The following NAV2 variants were observed in gnomAD, a reference collection of about 807,000 sequenced individuals.
The protein encoded by NAV2 is helicase, APC down-regulated 1.
Under a neutral mutation model 223.2 loss-of-function variants are expected in NAV2, and 54 were observed. The ratio of observed to expected loss-of-function variants is 0.24; its 90% CI spans 0.19 to 0.30. The LOEUF (loss-of-function observed/expected upper bound fraction) is 0.30. Among genes scored for constraint, NAV2 ranks in the 10% least tolerant of loss-of-function variants. NAV2 has a pLI of 1.00. For missense variants in NAV2, 2,806 were observed against 3,147.5 expected (o/e 0.89, Z 2.60); for synonymous variants, 1,279 against 1,239.3 (o/e 1.03, Z -0.67).
At chr11:20,005,235 A>G (rs2052927083) in intron 11 of NAV2, among the ~76,000 whole-genome samples, 1 of 48,042 alleles carries the variant, frequency 2.1e-5, no homozygotes, top group Admixed American at 4.2e-4. Flanking sequence ...GCTGAGTTTT[A>G]ATCATATATA....
intron 11 of NAV2, among the ~76,000 whole-genome samples, chr11:19,992,594 T>TA (rs1407242742): frequency 6.8e-6 from 1 of 147,940 alleles, no homozygotes; most frequent in African/African-American, 2.5e-5. Flanking sequence ...TTTTTTTTTT[T>TA]TTTTTTTTTT....
At chr11:20,053,834 A>T (rs1307966217) in intron 17 of NAV2, among the ~76,000 whole-genome samples, 1 of 152,170 alleles carries the variant, frequency 6.6e-6, no homozygotes, top group Non-Finnish European at 1.5e-5. Flanking sequence ...CTGAGCATTT[A>T]CCAATCTTCT....
chr11:19,357,738 G>GTCACTGACTGT (rs1853702004), intron 1 of NAV2, among the ~76,000 whole-genome samples: 1 of 152,176 alleles, frequency 6.6e-6, no homozygotes, highest in Non-Finnish European at 1.5e-5. Context: ...TGTTTCAGAA[G>GTCACTGACTGT]TACAGTCAGT....
chr11:19,835,985 T>C (rs2060205996), intron 2 of NAV2, among the ~76,000 whole-genome samples: 1 of 152,092 alleles, frequency 6.6e-6, no homozygotes, highest in African/African-American at 2.4e-5. Context: ...CCAGCTGCTG[T>C]CTTGGGCCTG....
At chr11:20,009,089 C>G (rs1344655355) in intron 11 of NAV2, among the ~76,000 whole-genome samples, 1 of 152,130 alleles carries the variant, frequency 6.6e-6, no homozygotes, top group East Asian at 1.9e-4. Flanking sequence ...TGACCTTGGG[C>G]TAGGAATTTG....
intron 11 of NAV2, among the ~76,000 whole-genome samples, chr11:19,994,669 T>C (rs2153472839): frequency 6.6e-6 from 1 of 152,332 alleles, no homozygotes; most frequent in Admixed American, 6.5e-5. Flanking sequence ...CGGTGGCCTA[T>C]GGAAAAGGGT....
chr11:19,444,593 T>C (rs961571614), intron 1 of NAV2, among the ~76,000 whole-genome samples: 2 of 151,506 alleles, frequency 1.3e-5, no homozygotes, highest in Non-Finnish European at 2.9e-5. Flanking sequence ...CACTCTATCA[T>C]TGAACTCTGT....
At chr11:20,036,239 C>G in intron 12 of NAV2, 142 bp downstream of exon 12, 2 of 957,900 alleles carry the variant, frequency 2.1e-6, no homozygotes, top group Non-Finnish European at 1.6e-6. Context: ...CGCCTCTGCT[C>G]TCACCTCCTG....
intron 1 of NAV2, among the ~76,000 whole-genome samples, chr11:19,809,645 C>G (rs1219352200): frequency 6.6e-6 from 1 of 152,218 alleles, no homozygotes; most frequent in Non-Finnish European, 1.5e-5. Context: ...AGGATCCCAT[C>G]CAGGATACTA....
rs1590149618 is a variant in NAV2, at chr11:19,409,760, G to A, written c.75+58733G>A. On this transcript the variant is annotated intron_variant, in intron 1 of 37. Coordinates refer to the NAV2 transcript ENST00000360655. ...ATGGCCCTGTCTCCATTCTAAAGAT[G>A]AAGAAACTGAGACTCACAGAGGGTG... Among the ~76,000 whole-genome samples the A allele has an allele frequency of 2.6e-5, 4 of 152,170 alleles. No homozygotes were observed. The East Asian group carries it at 7.7e-4, about 29-fold the overall frequency.
chr11:19,590,912 G>A (rs1054250339), intron 1 of NAV2, among the ~76,000 whole-genome samples: 6 of 152,084 alleles, frequency 3.9e-5, no homozygotes, highest in African/African-American at 1.4e-4. Context: ...CAGTCCTTCT[G>A]TCCATCTTAG....
chr11:20,022,663 A>G, intron 11 of NAV2: 1 of 993,858 alleles, frequency 1.0e-6, no homozygotes, highest in South Asian at 4.7e-5. Flanking sequence ...GGCTGGAAAG[A>G]CTTTCTGCAA....
At chr11:19,785,557 A>T (rs2057044925) in intron 1 of NAV2, among the ~76,000 whole-genome samples, 1 of 152,204 alleles carries the variant, frequency 6.6e-6, no homozygotes, top group Non-Finnish European at 1.5e-5. Context: ...TTGAGATAAC[A>T]TTTAATCCAA....
intron 1 of NAV2, among the ~76,000 whole-genome samples, chr11:19,593,171 G>A (rs1398281298): frequency 2.0e-5 from 3 of 152,086 alleles, no homozygotes; most frequent in Non-Finnish European, 4.4e-5. Flanking sequence ...CCAGCCCCTG[G>A]CAACCAACCA....
chr11:19,505,485 A>G (rs1399956150), intron 1 of NAV2: 2 of 152,222 alleles, frequency 1.3e-5, no homozygotes, highest in African/African-American at 4.8e-5. Context: ...AGAGGGAGAG[A>G]TTCATTGGGT....
intron 1 of NAV2, among the ~76,000 whole-genome samples, chr11:19,373,960 T>C (rs997709404): frequency 3.9e-5 from 6 of 152,216 alleles, no homozygotes; most frequent in African/African-American, 1.4e-4. Context: ...ATAGTTTTAG[T>C]CAAGATAACC....
chr11:19,401,147 C>A (rs1162970879), intron 1 of NAV2, among the ~76,000 whole-genome samples: 1 of 152,110 alleles, frequency 6.6e-6, no homozygotes, highest in African/African-American at 2.4e-5. Context: ...GGTTGTAGCC[C>A]ATAAAATATT....
chr11:20,106,181 G>GTA (rs1565089099), intron 35 of NAV2, among the ~76,000 whole-genome samples: 4 of 14,898 alleles, frequency 2.7e-4, no homozygotes, highest in African/African-American at 3.0e-4. Context: ...ATATATGTGT[G>GTA]TGTATATATA....
In NAV2 at chr11:19,933,503, C is replaced by T. The variant is rs747003174; in HGVS notation, c.1259C>T (p.Pro420Leu). The T allele has an allele frequency of 4.5e-5, 72 of 1,610,568 alleles. No individual in the cohort carries two copies. The highest frequency in any genetic ancestry group is 3.4e-4 in the Admixed American group (20 of 59,354). Residue 420 changes from proline to leucine, a missense_variant, in exon 7 of 38, where the codon CCG (proline) becomes CTG (leucine). Pro to Leu is a moderately conservative substitution (Grantham distance 98). This residue lies in a region of NAV2 where 1,167 missense variants were observed against 1,180.5 expected (regional missense o/e 0.99). Transcript: ENST00000349880. This position sits in a 1 kb window ranked among gnomAD's most constrained non-coding sequence, Gnocchi z 4.3. ...GGGGGCTCAAAGGCAGGTGAGGGGCCGGGGTCCCGGGACACAAGCTGTGAG... is the reference window on the plus strand; with the variant it reads ...GGGGGCTCAAAGGCAGGTGAGGGGCTGGGGTCCCGGGACACAAGCTGTGAG... ...SKGGSKAGEG[P>L]GSRDTSCERL... is the part of the protein sequence containing the mutation.
Sources: allele counts gnomAD v4.1 joint callset (sites outside exome capture counted in the v4.1 genomes callset), GRCh38; gene constraint gnomAD v4.1.1; regional missense constraint gnomAD v4.1.1; non-coding constraint Gnocchi (gnomAD v3.1); transcripts MANE v1.5; gene names NCBI Gene and HGNC (gene_info 2026-07-23, HGNC 2026-07-21).